ZZZ3: variants seen among roughly 807,000 people sequenced by gnomAD.
The protein encoded by ZZZ3 is ZZ-type zinc finger-containing protein 3.
ZZZ3 carries 22 observed loss-of-function variants against 95.2 expected under a neutral mutation model. The observed-to-expected ratio is 0.23, with a 90% CI of 0.17 to 0.33. ZZZ3 has a LOEUF of 0.33. ZZZ3 is among the 10% of genes least tolerant of loss of function. The pLI is 1.00. For synonymous variants in ZZZ3, 335 were observed against 358.9 expected (o/e 0.93, Z 0.75); for missense variants, 885 against 1,066.5 (o/e 0.83, Z 2.37).
intron 1 of ZZZ3, among the ~76,000 whole-genome samples, chr1:77,653,006 G>T (rs948542730): frequency 5.3e-5 from 8 of 152,124 alleles, no homozygotes; most frequent in African/African-American, 1.9e-4. Flanking sequence ...GGGCAACATG[G>T]TAAGACCTTG....
chr1:77,603,441 A>G (rs1394755999), intron 5 of ZZZ3, among the ~76,000 whole-genome samples: 1 of 152,174 alleles, frequency 6.6e-6, no homozygotes, highest in East Asian at 1.9e-4. Context: ...CTTTGCCTCA[A>G]TAATTTTCTT....
At chr1:77,653,622 A>G (rs278834) in intron 1 of ZZZ3, among the ~76,000 whole-genome samples, 63,963 of 151,896 alleles carry the variant, frequency 0.42, 15,736 homozygotes, top group African/African-American at 0.68. Flanking sequence ...GCGCAGTGGC[A>G]CATGCCTGTA....
chr1:77,631,833 A>G lies in ZZZ3; in HGVS notation c.1505+17T>C, dbSNP rs772462131. ...AATAAACAAAGCAGAATTCATGGTT[A>G]CCATATTTACACATACTCTTTGTTG... On this transcript the variant is annotated intron_variant, in intron 5 of 14. Coordinates refer to ENST00000370801, the MANE Select transcript of ZZZ3 (RefSeq NM_015534.6). The G allele has an allele frequency of 4.6e-6, 7 of 1,516,168 alleles. No individual in the cohort carries two copies. The Admixed American group carries it at 1.1e-4, about 23-fold the overall frequency. The allele number at this position is 1,516,168 out of a possible 1,614,324, so 93.9% of individuals were successfully genotyped here. A position where few individuals can be genotyped will look rare whatever the true frequency, so the allele number is the denominator to read the frequency against.
chr1:77,586,211 G>A (rs2100583410), intron 5 of ZZZ3, among the ~76,000 whole-genome samples: 1 of 152,310 alleles, frequency 6.6e-6, no homozygotes, highest in South Asian at 2.1e-4. Context: ...AATGCTAGAA[G>A]CTGTCCTCTC....
rs149894480 is a variant in ZZZ3 at position 77,599,245 on chromosome 1, A to G, written c.1506-14590T>C. Among the ~76,000 whole-genome samples the G allele has an allele frequency of 5.2e-3, 788 of 152,150 alleles. 6 individuals carry two copies. The highest frequency in any genetic ancestry group is 0.018 in the African/African-American group (754 of 41,550). On this transcript the variant is annotated intron_variant, in intron 5 of 14. Coordinates refer to ENST00000370801, the MANE Select transcript of ZZZ3 (RefSeq NM_015534.6). ...TTAAAACTTGTAAAGAAATTATTAT[A>G]TAGCTATTTGCTACCTTATATTATT...
intron 11 of ZZZ3, among the ~76,000 whole-genome samples, chr1:77,578,309 A>C (rs1330778732): frequency 6.6e-6 from 1 of 152,094 alleles, no homozygotes; most frequent in Non-Finnish European, 1.5e-5. Context: ...CCTGGCCTCA[A>C]GTGTTCCTCG....
intron 5 of ZZZ3, among the ~76,000 whole-genome samples, chr1:77,602,602 ATT>A (rs33915566): frequency 4.2e-5 from 5 of 117,962 alleles, no homozygotes; most frequent in Admixed American, 2.0e-4. Context: ...ATTTTTACTG[ATT>A]TTTTTTTTTT....
chr1:77,674,068 A>T (rs1308007400), intron 1 of ZZZ3, among the ~76,000 whole-genome samples: 1 of 152,160 alleles, frequency 6.6e-6, no homozygotes. Flanking sequence ...TAAATTTTAA[A>T]ATCTACTATT....
chr1:77,591,310 T>C (rs1276354647), intron 5 of ZZZ3, among the ~76,000 whole-genome samples: 2 of 152,146 alleles, frequency 1.3e-5, no homozygotes, highest in Non-Finnish European at 2.9e-5. Context: ...TCTTTCTCTT[T>C]CTTTTCTTTT....
intron 5 of ZZZ3, 63 bp downstream of exon 5, chr1:77,631,787 A>C: frequency 7.6e-7 from 1 of 1,317,468 alleles, no homozygotes; most frequent in South Asian, 1.6e-5. Flanking sequence ...CTACGAATAG[A>C]TACTGAAAAA....
intron 13 of ZZZ3, among the ~76,000 whole-genome samples, chr1:77,566,846 G>A (rs1469913259): frequency 1.3e-5 from 2 of 152,118 alleles, no homozygotes; most frequent in African/African-American, 4.8e-5. Context: ...GTGCACTTTT[G>A]GAAATCAAAG....
At chr1:77,635,749 T>C (rs1668236874) in intron 4 of ZZZ3, among the ~76,000 whole-genome samples, 1 of 151,940 alleles carries the variant, frequency 6.6e-6, no homozygotes, top group African/African-American at 2.4e-5. Flanking sequence ...CTACTAAAAA[T>C]ACAAAAACTA....
intron 5 of ZZZ3, among the ~76,000 whole-genome samples, chr1:77,613,021 T>A (rs1366770022): frequency 6.6e-6 from 1 of 152,092 alleles, no homozygotes; most frequent in Non-Finnish European, 1.5e-5. Context: ...ACTACCTATA[T>A]GTATCCTATA....
At chr1:77,659,003 G>A (rs1336599321) in intron 1 of ZZZ3, among the ~76,000 whole-genome samples, 1 of 152,114 alleles carries the variant, frequency 6.6e-6, no homozygotes, top group African/African-American at 2.4e-5. Context: ...CGGATCACCT[G>A]AGGTCAGGAG....
At chr1:77,678,805 A>G (rs900367114) in intron 1 of ZZZ3, among the ~76,000 whole-genome samples, 1 of 152,182 alleles carries the variant, frequency 6.6e-6, no homozygotes, top group African/African-American at 2.4e-5. Context: ...GGTTGCAGTC[A>G]TTTTGAAGGC....
intron 3 of ZZZ3, among the ~76,000 whole-genome samples, chr1:77,639,901 A>T (rs1431996090): frequency 7.1e-6 from 1 of 140,994 alleles, no homozygotes; most frequent in Non-Finnish European, 1.6e-5. Flanking sequence ...CTAAGGGAGT[A>T]TTTTTTTTTT....
chr1:77,674,015 A>T (rs1454292604), intron 1 of ZZZ3, among the ~76,000 whole-genome samples: 1 of 152,080 alleles, frequency 6.6e-6, no homozygotes, highest in African/African-American at 2.4e-5. Context: ...AGTAGGAAAA[A>T]AAAAAAAAAG....
intron 1 of ZZZ3, among the ~76,000 whole-genome samples, chr1:77,643,382 T>C (rs967208074): frequency 3.9e-5 from 6 of 152,228 alleles, no homozygotes; most frequent in Admixed American, 1.3e-4. Context: ...CTTTGAATTA[T>C]GACAATACAC....
At chr1:77,575,239 A>T (rs992325711) in intron 12 of ZZZ3, among the ~76,000 whole-genome samples, 6 of 152,220 alleles carry the variant, frequency 3.9e-5, no homozygotes. Flanking sequence ...CACCTTTTCT[A>T]TATGTACCTC....
Sources: gnomAD v4.1 joint callset for allele counts (sites outside exome capture counted in the v4.1 genomes callset) on GRCh38, gnomAD v4.1.1 for gene constraint, MANE v1.5 for transcripts, NCBI Gene and HGNC (gene_info 2026-07-23, HGNC 2026-07-21) for gene names.